Variants in SPMIP11 observed in about 807,000 individuals in gnomAD.
SPMIP11 encodes the protein long intergenic non-protein coding RNA 935.
At chr12:48,761,913 A>G in the SPMIP11 span, among the ~76,000 whole-genome samples, 1 of 148,494 alleles carries the variant, frequency 6.7e-6, no homozygotes, top group East Asian at 2.0e-4. Context: ...TAATAGAGAC[A>G]AGGTCTGGCT....
the SPMIP11 span, among the ~76,000 whole-genome samples, chr12:48,728,994 G>A: frequency 1.1e-4 from 16 of 152,340 alleles, no homozygotes; most frequent in East Asian, 2.7e-3. Flanking sequence ...ACACATAATA[G>A]AGGTTGCATA....
At chr12:48,765,015 G>A in the SPMIP11 span, 1 of 699,032 alleles carries the variant, frequency 1.4e-6, no homozygotes, top group Non-Finnish European at 2.6e-6. Flanking sequence ...GGAGGGGTAA[G>A]GGTGGGGAGG....
At chr12:48,749,354 C>T in the SPMIP11 span, among the ~76,000 whole-genome samples, 7 of 151,686 alleles carry the variant, frequency 4.6e-5, no homozygotes, top group East Asian at 1.2e-3. Flanking sequence ...TTTGGCTGGG[C>T]GCGGTGGCTC....
the SPMIP11 span, among the ~76,000 whole-genome samples, chr12:48,732,353 T>G: frequency 5.3e-5 from 8 of 152,216 alleles, no homozygotes; most frequent in East Asian, 1.3e-3. Flanking sequence ...TATGACCAAT[T>G]TGTTGCTGGG....
the SPMIP11 span, among the ~76,000 whole-genome samples, chr12:48,735,108 G>C: frequency 7.9e-5 from 12 of 151,674 alleles, no homozygotes; most frequent in Admixed American, 7.2e-4. Context: ...CCCTGGCTGA[G>C]AGCCAGCAAG....
At chr12:48,768,406 T>C in the SPMIP11 span, 1 of 776,186 alleles carries the variant, frequency 1.3e-6, no homozygotes. Flanking sequence ...TCTCGGTAGG[T>C]AGCCCCTTGT....
At chr12:48,762,523 A>G in the SPMIP11 span, among the ~76,000 whole-genome samples, 2 of 151,110 alleles carry the variant, frequency 1.3e-5, no homozygotes, top group Admixed American at 1.3e-4. Flanking sequence ...ACCCGCCACC[A>G]TGCCTGGCTA....
the SPMIP11 span, among the ~76,000 whole-genome samples, chr12:48,735,130 A>G: frequency 1.3e-5 from 2 of 152,132 alleles, no homozygotes; most frequent in East Asian, 3.9e-4. Context: ...CATCAGTCCT[A>G]TAACCACCAG....
the SPMIP11 span, among the ~76,000 whole-genome samples, chr12:48,753,692 C>CTTTCT: frequency 8.4e-6 from 1 of 118,820 alleles, no homozygotes; most frequent in African/African-American, 3.1e-5. Flanking sequence ...TTTTTTTTTT[C>CTTTCT]TTTTTTTTTT....
chr12:48,736,953 C>CT, the SPMIP11 span, among the ~76,000 whole-genome samples: 142 of 145,172 alleles, frequency 9.8e-4, no homozygotes, highest in Admixed American at 2.2e-3. Context: ...TTTCTGGAAG[C>CT]TTTTTTTTTT....
At chr12:48,755,800 G>A in the SPMIP11 span, among the ~76,000 whole-genome samples, 1 of 151,902 alleles carries the variant, frequency 6.6e-6, no homozygotes, top group Non-Finnish European at 1.5e-5. Context: ...ACTGTCACTT[G>A]AGCTCAGACC....
chr12:48,733,952 AG>A, the SPMIP11 span, among the ~76,000 whole-genome samples: 286 of 151,730 alleles, frequency 1.9e-3, 1 homozygote, highest in African/African-American at 6.5e-3. Context: ...TATATTTTTT[AG>A]TAGAGACAGG....
the SPMIP11 span, among the ~76,000 whole-genome samples, chr12:48,737,380 C>A: frequency 6.6e-6 from 1 of 150,840 alleles, no homozygotes; most frequent in Non-Finnish European, 1.5e-5. Context: ...GAAATTTATG[C>A]TTTCCATTTC....
chr12:48,770,086 A>G, the SPMIP11 span, among the ~76,000 whole-genome samples: 5 of 126,242 alleles, frequency 4.0e-5, no homozygotes, highest in African/African-American at 1.6e-4. Flanking sequence ...TTTTTTTTTC[A>G]GTAGAAAAGG....
chr12:48,753,692 CTTTTTTT>C, the SPMIP11 span, among the ~76,000 whole-genome samples: 2 of 118,816 alleles, frequency 1.7e-5, no homozygotes, highest in Admixed American at 1.8e-4. Context: ...TTTTTTTTTT[CTTTTTTT>C]TTTTTTTTTT....
the SPMIP11 span, among the ~76,000 whole-genome samples, chr12:48,733,729 A>G: frequency 6.7e-6 from 1 of 149,104 alleles, no homozygotes; most frequent in African/African-American, 2.5e-5. Flanking sequence ...TATACCAAGG[A>G]TAAGAGGGGA....
chr12:48,763,992 T>C, the SPMIP11 span, among the ~76,000 whole-genome samples: 1 of 150,652 alleles, frequency 6.6e-6, no homozygotes, highest in Non-Finnish European at 1.5e-5. Flanking sequence ...GTACTTTTTT[T>C]TTTTTTTGAG....
chr12:48,767,541 GCA>G, the SPMIP11 span: 1 of 152,728 alleles, frequency 6.5e-6, no homozygotes, highest in Admixed American at 6.5e-5. Flanking sequence ...AGACCAACAT[GCA>G]CACACAGTTA....
chr12:48,761,425 T>C, the SPMIP11 span, among the ~76,000 whole-genome samples: 1 of 137,288 alleles, frequency 7.3e-6, no homozygotes, highest in African/African-American at 2.8e-5. Flanking sequence ...CACTCCAGCC[T>C]GGGGGACACA....
Sources: gnomAD v4.1 joint callset for allele counts (sites outside exome capture counted in the v4.1 genomes callset) on GRCh38, gnomAD v4.1.1 for gene constraint, MANE v1.5 for transcripts, NCBI Gene and HGNC (gene_info 2026-07-23, HGNC 2026-07-21) for gene names.